The following ABI3BP variants were observed in gnomAD, a reference collection of about 807,000 sequenced individuals.
The protein encoded by ABI3BP is ABI family member 3 binding protein, also known as target of Nesh-SH3.
In ABI3BP, 216 loss-of-function variants were observed where a neutral mutation model predicts 268.6. The observed-to-expected ratio is 0.80, with a 90% confidence interval of 0.72 to 0.90. The LOEUF (loss-of-function observed/expected upper bound fraction) is 0.90. Ranked by LOEUF, ABI3BP falls within the 40% of genes least tolerant of loss-of-function variation. ABI3BP has a pLI of 0.00. For synonymous variants in ABI3BP, 730 were observed against 730.0 expected (o/e 1.00, Z 0.00); for missense variants, 2,090 against 2,182.4 (o/e 0.96, Z 0.84).
At chr3:100,914,477 A>T (rs1385832178) in intron 2 of ABI3BP, 3 of 454,542 alleles carry the variant, frequency 6.6e-6, no homozygotes, top group Non-Finnish European at 1.3e-5. Flanking sequence ...AATGACTAGG[A>T]ACAGCAGCCA....
chr3:100,831,217 G>T (rs923540486), intron 31 of ABI3BP, among the ~76,000 whole-genome samples: 3 of 152,018 alleles, frequency 2.0e-5, no homozygotes, highest in African/African-American at 7.2e-5. Context: ...GTGTCACTCT[G>T]TTGAATAGGT....
At chr3:100,986,683 T>C (rs548819440) in intron 1 of ABI3BP, among the ~76,000 whole-genome samples, 2 of 152,154 alleles carry the variant, frequency 1.3e-5, no homozygotes, top group Non-Finnish European at 1.5e-5. Context: ...ACTAGGCTGG[T>C]CTTGAACTCT....
At chr3:100,906,680 T>G (rs2053585647) in intron 2 of ABI3BP, among the ~76,000 whole-genome samples, 1 of 152,238 alleles carries the variant, frequency 6.6e-6, no homozygotes, top group African/African-American at 2.4e-5. Flanking sequence ...GCAGACTAAT[T>G]AAATCTAATT....
At chr3:100,801,545 G>A (rs1333853468) in intron 51 of ABI3BP, among the ~76,000 whole-genome samples, 1 of 151,926 alleles carries the variant, frequency 6.6e-6, no homozygotes, top group Non-Finnish European at 1.5e-5. Flanking sequence ...AAGGCACTGA[G>A]TCACTAAAAC....
chr3:100,838,847 A>G (rs1489633150), intron 24 of ABI3BP, among the ~76,000 whole-genome samples: 1 of 152,252 alleles, frequency 6.6e-6, no homozygotes, highest in Non-Finnish European at 1.5e-5. Flanking sequence ...GAAGTAATCC[A>G]TAAACATTTG....
chr3:100,826,069 T>G (rs993486008), intron 34 of ABI3BP, among the ~76,000 whole-genome samples: 2 of 152,128 alleles, frequency 1.3e-5, no homozygotes, highest in Non-Finnish European at 2.9e-5. Flanking sequence ...ATAATTAAGG[T>G]TAAATGAGGT....
At position 100,818,680 on chromosome 3, in the gene ABI3BP, T is replaced by C. The variant is rs376611980; in HGVS notation, c.3032-99A>G. 77 of 1,003,490 alleles carry C rather than the reference T, an allele frequency of 7.7e-5. No individual in the cohort carries two copies. The African/African-American group carries it at 1.2e-3, about 15-fold the overall frequency. The allele number at this position is 1,003,490 out of a possible 1,614,324, so 62.2% of individuals were successfully genotyped here. ...CAGTATATAGCAATTTTAAGAAATT[T>C]TCTGAAACTTGATACTTGTTATTTG... On this transcript the variant is annotated intron_variant, in intron 40 of 67. Coordinates refer to ENST00000471714, the MANE Select transcript of ABI3BP (RefSeq NM_001375547.2).
chr3:100,931,044 A>C (rs1457116615), intron 1 of ABI3BP: 1 of 152,116 alleles, frequency 6.6e-6, no homozygotes, highest in Admixed American at 6.6e-5. Flanking sequence ...AACATATGCA[A>C]ATTAATAAAT....
In ABI3BP at chr3:100,840,111, T is replaced by TG; in HGVS notation, c.1857_1858insC (p.Lys620GlnfsTer5). On this transcript the variant is annotated frameshift_variant, in exon 23 of 68. Coordinates refer to ENST00000471714, the MANE Select transcript of ABI3BP (RefSeq NM_001375547.2). LOFTEE classifies it high-confidence loss of function. ...GGCACTTCTGGACTAGGTGTGGTTT[T>TG]AGGGCGGGGACGGGGGCGGGGGCGA... 2 of 1,030,298 alleles carry TG rather than the reference T, an allele frequency of 1.9e-6. No homozygotes were observed. The highest frequency in any genetic ancestry group is 2.6e-6 in the Non-Finnish European group (2 of 782,144). 63.8% of individuals were successfully genotyped at this position (1,030,298 alleles called of 1,614,324 possible).
At chr3:100,920,969 C>T (rs532649199) in intron 2 of ABI3BP, among the ~76,000 whole-genome samples, 2 of 152,278 alleles carry the variant, frequency 1.3e-5, no homozygotes, top group South Asian at 2.1e-4. Flanking sequence ...TTTTAGCATC[C>T]TTGTCCAGGA....
At chr3:100,844,054 T>C (rs2098739984) in intron 20 of ABI3BP, 9 of 981,420 alleles carry the variant, frequency 9.2e-6, no homozygotes, top group Non-Finnish European at 9.7e-6. Flanking sequence ...AAAATAAATA[T>C]ATCTTCTGAC....
chr3:100,757,316 A>T, intron 63 of ABI3BP, among the ~76,000 whole-genome samples: 1 of 131,148 alleles, frequency 7.6e-6, no homozygotes, highest in South Asian at 2.8e-4. Flanking sequence ...AGCAAAATGA[A>T]TAAAAGAAAA....
chr3:100,922,947 A>C (rs1489259280), intron 2 of ABI3BP, among the ~76,000 whole-genome samples: 3 of 152,232 alleles, frequency 2.0e-5, no homozygotes, highest in Non-Finnish European at 4.4e-5. Flanking sequence ...ACCAAAAAAT[A>C]ACATTTAACT....
At chr3:100,838,578 T>G in intron 24 of ABI3BP, 114 bp from the exon 25 acceptor site, 1 of 913,352 alleles carries the variant, frequency 1.1e-6, no homozygotes, top group African/African-American at 1.6e-5. Context: ...TATAAACATT[T>G]CTGGGGTGTG....
At chr3:100,773,184 A>C (rs2150022161) in intron 61 of ABI3BP, among the ~76,000 whole-genome samples, 1 of 152,256 alleles carries the variant, frequency 6.6e-6, no homozygotes, top group Non-Finnish European at 1.5e-5. Flanking sequence ...GCTTCATTAA[A>C]ATTAGAAGAC....
intron 4 of ABI3BP, among the ~76,000 whole-genome samples, chr3:100,895,720 C>T (rs1476907085): frequency 6.6e-6 from 1 of 152,150 alleles, no homozygotes; most frequent in Non-Finnish European, 1.5e-5. Flanking sequence ...CAGAATATAA[C>T]CATCATTTTT....
At position 100,749,458 on chromosome 3, in the gene ABI3BP, T is replaced by G. The variant is rs1006857775; in HGVS notation, c.*1037A>C. The stretch of plus-strand genomic sequence containing the variant: ...CAGGGAAAGGTCCTTTCAGAATGAC[T>G]GCAACAGTGCAGCAAGGATTCCCAT... On this transcript the variant is annotated 3_prime_UTR_variant, in exon 68 of 68. Transcript: ENST00000471714. 3.3e-5 allele frequency: 13 copies of G among 393,166 alleles called. No homozygotes were observed. In the East Asian group the frequency reaches 4.7e-4, roughly 14 times the overall value. 24.4% of individuals were successfully genotyped at this position (393,166 alleles called of 1,614,324 possible).
In ABI3BP at chr3:100,829,648, T is replaced by C. The variant is rs1335996574; in HGVS notation, c.2475A>G (p.Gln825=). The C allele has an allele frequency of 4.6e-6, 7 of 1,535,598 alleles. No individual in the cohort carries two copies. Among genetic ancestry groups the C allele is most frequent in the Non-Finnish European group, 6.1e-6 (7 of 1,146,380 alleles). Residue 825 remains glutamine (Q), a synonymous_variant, in exon 33 of 68, where the codon CAA becomes CAG. Coordinates refer to ENST00000471714, the MANE Select transcript of ABI3BP (RefSeq NM_001375547.2). Reference sequence around the variant, plus strand: ...GTTTGGGATGTGGACGATGAGTTCGTTGAGGCACTTTGGGAGCTAAAGGAA... The same window carrying C: ...GTTTGGGATGTGGACGATGAGTTCGCTGAGGCACTTTGGGAGCTAAAGGAA... ...SGTTAAPKVP[Q]RTHRPHPKPK... is the part of the protein sequence containing the mutation.
At chr3:100,948,107 T>C (rs1174916925) in intron 1 of ABI3BP, among the ~76,000 whole-genome samples, 2 of 152,120 alleles carry the variant, frequency 1.3e-5, no homozygotes, top group Non-Finnish European at 2.9e-5. Context: ...TGGGATATAA[T>C]GGGTTAAGGA....
Sources: gnomAD v4.1 joint callset for allele counts (sites outside exome capture counted in the v4.1 genomes callset) on GRCh38, gnomAD v4.1.1 for gene constraint, MANE v1.5 for transcripts, NCBI Gene and HGNC (gene_info 2026-07-23, HGNC 2026-07-21) for gene names.